Variants in MKRN1 observed in about 807,000 individuals in gnomAD.
The protein encoded by MKRN1 is E3 ubiquitin-protein ligase makorin-1.
MKRN1 carries 9 observed loss-of-function variants against 55.5 expected under a neutral mutation model. The ratio of observed to expected loss-of-function variants is 0.16; its 90% CI spans 0.10 to 0.28. The LOEUF is 0.28. Among genes scored for constraint, MKRN1 ranks in the 10% least tolerant of loss-of-function variants. The pLI is 1.00. For synonymous variants in MKRN1, 253 were observed against 235.9 expected (o/e 1.07, Z -0.66); for missense variants, 488 against 626.7 (o/e 0.78, Z 2.36).
chr7:140,476,115 C>T (rs1383731447), intron 1 of MKRN1, among the ~76,000 whole-genome samples: 4 of 152,140 alleles, frequency 2.6e-5, no homozygotes, highest in Non-Finnish European at 5.9e-5. Flanking sequence ...TTCCTAGATA[C>T]AGGAGTGATG....
intron 2 of MKRN1, among the ~76,000 whole-genome samples, chr7:140,468,339 C>T (rs61455390): frequency 7.7e-4 from 117 of 152,232 alleles, no homozygotes; most frequent in African/African-American, 2.5e-3. Context: ...TACAAAGATT[C>T]GTCCATTCAC....
At chr7:140,476,695 T>C (rs1263428912) in intron 1 of MKRN1, among the ~76,000 whole-genome samples, 1 of 151,734 alleles carries the variant, frequency 6.6e-6, no homozygotes, top group African/African-American at 2.4e-5. Context: ...TTCATGATAC[T>C]GGAACTGAGG....
rs1794564630 is a variant in MKRN1 at position 140,459,804 on chromosome 7, A to G, written c.447T>C (p.Ala149=). Reference sequence around the variant, plus strand: ...TTGCAAAGTTTGAATTTCTTGACTCAGCTTCGCCTGTATTCATTTCAACAA... The same window carrying G: ...TTGCAAAGTTTGAATTTCTTGACTCGGCTTCGCCTGTATTCATTTCAACAA... ...GPLVEMNTGE[A]ESRNSNFATV... is the part of the protein sequence containing the mutation. The change falls in exon 3 of 8, where the codon GCT becomes GCC. Residue 149 remains alanine, a synonymous_variant. Transcript: ENST00000255977. 2 of 1,613,946 alleles carry G rather than the reference A, an allele frequency of 1.2e-6. No homozygotes were observed. Among genetic ancestry groups the G allele is most frequent in the Non-Finnish European group, 8.5e-7 (1 of 1,179,870 alleles).
intron 2 of MKRN1, among the ~76,000 whole-genome samples, chr7:140,463,372 T>C (rs1794676894): frequency 6.6e-6 from 1 of 152,208 alleles, no homozygotes; most frequent in South Asian, 2.1e-4. Context: ...AGCTGCTCTA[T>C]ACAGTACAGC....
At chr7:140,475,361 C>CAAAA in intron 1 of MKRN1, 1 of 345,100 alleles carries the variant, frequency 2.9e-6, no homozygotes. Context: ...AACAAACAAA[C>CAAAA]AAAACACAAC....
chr7:140,471,040 C>T (rs1306688847), intron 2 of MKRN1, among the ~76,000 whole-genome samples: 4 of 152,082 alleles, frequency 2.6e-5, no homozygotes, highest in African/African-American at 4.8e-5. Context: ...TCACAGAATC[C>T]GGAACCCCAG....
At chr7:140,474,931 C>A (rs183563917) in intron 1 of MKRN1, among the ~76,000 whole-genome samples, 1 of 151,740 alleles carries the variant, frequency 6.6e-6, no homozygotes, top group Admixed American at 6.6e-5. Context: ...GTTGGCCAGG[C>A]TGGTCTCGAA....
In MKRN1 at chr7:140,454,533, T is replaced by C. The variant is rs1165184863; in HGVS notation, c.1433A>G (p.Tyr478Cys). ...DLFHDELEDF[Y>C]DLDL is the part of the protein sequence containing the mutation. ...GCAAGGTTGCTATAGATCCAAGTCA[T>C]AAAAATCTTCCAGCTCATCATGAAA... is the stretch of plus-strand genomic sequence containing the variant. Residue 478 changes from tyrosine (Y) to cysteine (C), a missense_variant, in exon 8 of 8, where the codon TAT (tyrosine) becomes TGT (cysteine). Physicochemically the swap from Tyr to Cys is radical, Grantham distance 194. Coordinates refer to ENST00000255977, the MANE Select transcript of MKRN1 (RefSeq NM_013446.4). 1.9e-6 allele frequency: 3 copies of C among 1,612,034 alleles called. No individual in the cohort carries two copies. The highest frequency in any genetic ancestry group is 2.5e-6 in the Non-Finnish European group (3 of 1,179,794).
At chr7:140,460,793 A>G (rs180679332) in intron 2 of MKRN1, among the ~76,000 whole-genome samples, 19 of 152,342 alleles carry the variant, frequency 1.2e-4, no homozygotes, top group Admixed American at 9.1e-4. Flanking sequence ...CATCAAATAC[A>G]CAAATATTTT....
chr7:140,454,891 A>T (rs1326053020), intron 7 of MKRN1, among the ~76,000 whole-genome samples, 162 bp from the exon 8 acceptor site: 1 of 152,156 alleles, frequency 6.6e-6, no homozygotes, highest in East Asian at 1.9e-4. Flanking sequence ...ACTTCATGGA[A>T]ATCGTTTAGG....
chr7:140,455,888 T>C lies in MKRN1; in HGVS notation c.999A>G (p.Glu333=), dbSNP rs1156543096. ...TGACAAAGTTAGATGTGATCCGGCA[T>C]TCTGGGCAGGACCTGGGAAACAATG... ...FESKIIKSCP[E]CRITSNFVIP... is the part of the protein sequence containing the mutation. Residue 333 remains glutamate, a synonymous_variant, in exon 6 of 8, where the codon GAA becomes GAG. Transcript: ENST00000255977. 1.2e-6 allele frequency: 2 copies of C among 1,613,810 alleles called. No homozygotes were observed. The highest frequency in any genetic ancestry group is 1.7e-5 in the Admixed American group (1 of 60,004).
Position 140,479,161 on chromosome 7 carries a change from T to G in MKRN1, c.184A>C (p.Arg62=). The change falls in exon 1 of 8, where the codon AGG becomes CGG. Residue 62 remains arginine (R), a splice_region_variant and synonymous_variant. Coordinates refer to ENST00000255977, the MANE Select transcript of MKRN1 (RefSeq NM_013446.4). The part of the protein sequence containing the change: ...GGGWTKQVTC[R]YFMHGVCKEG... ...GCGCTCCGCCGCGCAACGTCCTACC[T>G]GCAGGTGACCTGTTTAGTCCAGCCG... The G allele has an allele frequency of 2.1e-6, 3 of 1,418,180 alleles. No individual in the cohort carries two copies. The highest frequency in any genetic ancestry group is 1.8e-6 in the Non-Finnish European group (2 of 1,087,796). 87.8% of individuals were successfully genotyped at this position (1,418,180 alleles called of 1,614,324 possible).
intron 2 of MKRN1, among the ~76,000 whole-genome samples, chr7:140,467,165 C>T (rs1484617597): frequency 2.0e-5 from 3 of 151,902 alleles, no homozygotes; most frequent in South Asian, 2.1e-4. Context: ...TTGGTAGAGA[C>T]GGGGTTTTCC....
rs752569362 is a variant in MKRN1 at position 140,459,000 on chromosome 7, G to A, written c.771+7C>T. 2.5e-6 allele frequency: 4 copies of A among 1,613,400 alleles called. No individual in the cohort carries two copies. The highest frequency in any genetic ancestry group is 3.4e-6 in the Non-Finnish European group (4 of 1,179,460). ...CTAATAACACACACATCTCCCTAAA[G>A]ACTTACTTTGATATGCTGCGATCTC... On this transcript the variant is annotated splice_region_variant and intron_variant, in intron 4 of 7. Coordinates refer to ENST00000255977, the MANE Select transcript of MKRN1 (RefSeq NM_013446.4).
intron 1 of MKRN1, among the ~76,000 whole-genome samples, chr7:140,474,005 A>AAAAAAAG (rs1336764327): frequency 3.0e-5 from 2 of 65,656 alleles, no homozygotes; most frequent in Admixed American, 1.6e-4. Flanking sequence ...AAAAAAAAAA[A>AAAAAAAG]AAAGAAAGAA....
intron 4 of MKRN1, 79 bp downstream of exon 4, chr7:140,458,928 G>GA: frequency 6.8e-7 from 1 of 1,463,148 alleles, no homozygotes; most frequent in African/African-American, 1.4e-5. Flanking sequence ...ATGTTTCTCT[G>GA]AAATAAACCC....
At chr7:140,469,790 G>A (rs1278881471) in intron 2 of MKRN1, among the ~76,000 whole-genome samples, 1 of 152,072 alleles carries the variant, frequency 6.6e-6, no homozygotes, top group East Asian at 1.9e-4. Flanking sequence ...CGGGCGCGGT[G>A]GCTCATGCCT....
chr7:140,456,412 C>T (rs1794467132), intron 5 of MKRN1: 4 of 1,355,442 alleles, frequency 3.0e-6, no homozygotes, highest in South Asian at 3.2e-5. Flanking sequence ...ACACAATCTC[C>T]TCAGAAAAAG....
At chr7:140,470,123 A>C (rs978669321) in intron 2 of MKRN1, among the ~76,000 whole-genome samples, 1 of 151,346 alleles carries the variant, frequency 6.6e-6, no homozygotes, top group African/African-American at 2.4e-5. Flanking sequence ...CTGGAGGCCA[A>C]GGCAGGAGAA....
Sources: gnomAD v4.1 joint callset for allele counts (sites outside exome capture counted in the v4.1 genomes callset) on GRCh38, gnomAD v4.1.1 for gene constraint, MANE v1.5 for transcripts, NCBI Gene and HGNC (gene_info 2026-07-23, HGNC 2026-07-21) for gene names.